EBI3: variants seen among roughly 807,000 people sequenced by gnomAD.
EBI3 encodes the protein interleukin-27 subunit beta.
Under a neutral mutation model 21.3 loss-of-function variants are expected in EBI3, and 19 were observed. The ratio of observed to expected loss-of-function variants is 0.89; its 90% CI spans 0.62 to 1.31. The LOEUF is 1.31. Ranked by LOEUF, EBI3 falls within the 50% of genes most tolerant of loss-of-function variation. The pLI is 0.00. For missense variants in EBI3, 331 were observed against 314.0 expected (o/e 1.05, Z -0.41); for synonymous variants, 154 against 131.2 (o/e 1.17, Z -1.19).
chr19:4,235,531 G>A (rs1290555997), intron 4 of EBI3, among the ~76,000 whole-genome samples: 2 of 152,184 alleles, frequency 1.3e-5, no homozygotes, highest in African/African-American at 4.8e-5. Context: ...TGCCCAGGCT[G>A]GTCTCAAACT....
Position 4,231,343 on chromosome 19 carries a change from G to A in EBI3, c.200+20G>A. On this transcript the variant is annotated intron_variant, in intron 2 of 4. Transcript: ENST00000221847. ...GTACAGGTCGGAGAGCCTGGAAGGG[G>A]GCCTCAGGGACACTGGACTTCCTGG... 1 of 1,591,184 alleles carries A rather than the reference G, an allele frequency of 6.3e-7. No individual in the cohort carries two copies.
intron 2 of EBI3, among the ~76,000 whole-genome samples, chr19:4,232,036 C>T (rs906764836): frequency 2.6e-5 from 4 of 151,328 alleles, no homozygotes; most frequent in South Asian, 2.1e-4. Context: ...ACCACCCTGG[C>T]GAACACGGTG....
At chr19:4,236,826 T>C in intron 4 of EBI3, 110 bp from the exon 5 acceptor site, 2 of 1,285,458 alleles carry the variant, frequency 1.6e-6, no homozygotes, top group South Asian at 2.0e-5. Context: ...AGTCCTGGAC[T>C]GGAGCCTGCA....
In EBI3 at chr19:4,236,970, G is replaced by C. The variant is rs776345290; in HGVS notation, c.572G>C (p.Arg191Thr). Residue 191 changes from arginine (R) to threonine (T), a missense_variant, in exon 5 of 5, where the codon AGG becomes ACG. By Grantham distance (71) the Arg-to-Thr change is moderately conservative. Coordinates refer to ENST00000221847, the MANE Select transcript of EBI3 (RefSeq NM_005755.3). ...GPIEATSFIL[R>T]AVRPRARYYV... ...ATTGAAGCCACGTCCTTCATCCTCA[G>C]GGCTGTGCGGCCCCGAGCCAGGTAC... The C allele has an allele frequency of 6.5e-7, 1 of 1,544,294 alleles. No homozygotes were observed. Among genetic ancestry groups the C allele is most frequent in the Non-Finnish European group, 8.8e-7 (1 of 1,141,214 alleles).
intron 2 of EBI3, among the ~76,000 whole-genome samples, chr19:4,232,222 C>CAAAAAAAAA (rs71166979): frequency 2.0e-3 from 116 of 57,746 alleles, no homozygotes; most frequent in Non-Finnish European, 2.6e-3. Context: ...GACCCCGTCT[C>CAAAAAAAAA]AAAAAAAAAA....
Position 4,233,177 on chromosome 19 carries a change from G to T in EBI3, c.249G>T (p.Thr83=). The stretch of plus-strand genomic sequence containing the variant: ...ACAGCTGGCCCTGCCTGCAGCAGAC[G>T]CCAACGTCCACCAGCTGCACCATCA... ...RGHSWPCLQQ[T]PTSTSCTITD... The change falls in exon 3 of 5, where the codon ACG becomes ACT. Residue 83 remains threonine, a synonymous_variant. Transcript: ENST00000221847. The T allele has an allele frequency of 4.4e-6, 7 of 1,608,894 alleles. No homozygotes were observed. Among genetic ancestry groups the T allele is most frequent in the Non-Finnish European group, 5.9e-6 (7 of 1,179,650 alleles).
chr19:4,232,250 AGAAAAG>A (rs1568355349), intron 2 of EBI3, among the ~76,000 whole-genome samples: 3 of 117,732 alleles, frequency 2.5e-5, no homozygotes, highest in African/African-American at 1.2e-4. Flanking sequence ...AAAAAAGAAA[AGAAAAG>A]AAAAGAAAAG....
chr19:4,236,182 C>T (rs1345237857), intron 4 of EBI3, among the ~76,000 whole-genome samples: 1 of 152,108 alleles, frequency 6.6e-6, no homozygotes, highest in East Asian at 1.9e-4. Flanking sequence ...GGTGAAATCA[C>T]AGCTCTACTA....
At chr19:4,232,990 A>C (rs9807829) in intron 2 of EBI3, 139 bp from the exon 3 acceptor site, 66,853 of 1,014,606 alleles carry the variant, frequency 0.066, 4,206 homozygotes, top group South Asian at 0.28. Flanking sequence ...GGCCACCACC[A>C]GGACCCCACC....
Position 4,231,339 on chromosome 19 carries a change from A to G in EBI3, c.200+16A>G. The G allele has an allele frequency of 6.3e-7, 1 of 1,591,750 alleles. No individual in the cohort carries two copies. Among genetic ancestry groups the G allele is most frequent in the Non-Finnish European group, 8.5e-7 (1 of 1,171,816 alleles). ...CCACGTACAGGTCGGAGAGCCTGGAAGGGGGCCTCAGGGACACTGGACTTC... is the reference window on the plus strand; with the variant it reads ...CCACGTACAGGTCGGAGAGCCTGGAGGGGGGCCTCAGGGACACTGGACTTC... On this transcript the variant is annotated intron_variant, in intron 2 of 4. Coordinates refer to ENST00000221847, the MANE Select transcript of EBI3 (RefSeq NM_005755.3).
In EBI3 at chr19:4,234,689, C is replaced by G. The variant is rs200195709; in HGVS notation, c.402C>G (p.Gly134=). 1.2e-6 allele frequency: 2 copies of G among 1,613,866 alleles called. No homozygotes were observed. Among genetic ancestry groups the G allele is most frequent in the Non-Finnish European group, 1.7e-6 (2 of 1,179,968 alleles). Residue 134 remains glycine, a synonymous_variant, in exon 4 of 5, where the codon GGC becomes GGG. Transcript: ENST00000221847. Reference sequence around the variant, plus strand: ...CAGTCAAGCCCGACCCTCCAGAAGGCGTGCGCCTAAGCCCCCTCGCTGAGC... The same window carrying G: ...CAGTCAAGCCCGACCCTCCAGAAGGGGTGCGCCTAAGCCCCCTCGCTGAGC... ...EHIIKPDPPE[G]VRLSPLAERQ...
At chr19:4,236,839 G>A (rs1970842718) in intron 4 of EBI3, 97 bp from the exon 5 acceptor site, 1 of 1,336,220 alleles carries the variant, frequency 7.5e-7, no homozygotes, top group South Asian at 1.8e-5. Context: ...AGCCTGCAGG[G>A]GGCAGGGAGG....
chr19:4,236,179 T>C (rs917554682), intron 4 of EBI3, among the ~76,000 whole-genome samples: 1 of 151,838 alleles, frequency 6.6e-6, no homozygotes, highest in Non-Finnish European at 1.5e-5. Flanking sequence ...CATGGTGAAA[T>C]CACAGCTCTA....
intron 4 of EBI3, among the ~76,000 whole-genome samples, chr19:4,236,005 T>TAG (rs1202304651): frequency 6.6e-6 from 1 of 152,080 alleles, no homozygotes; most frequent in Non-Finnish European, 1.5e-5. Flanking sequence ...CCCAGCACTT[T>TAG]AGGAGGCCAA....
chr19:4,236,792 GTGGGGCCGCACAGC>G, intron 4 of EBI3, 130 bp from the exon 5 acceptor site: 1 of 947,306 alleles, frequency 1.1e-6, no homozygotes, highest in Non-Finnish European at 1.4e-6. Flanking sequence ...GCTATTTGGG[GTGGGGCCGCACAGC>G]TGGGGCCAGA....
chr19:4,234,445 C>T (rs1196966651), intron 3 of EBI3, among the ~76,000 whole-genome samples: 1 of 152,050 alleles, frequency 6.6e-6, no homozygotes, highest in African/African-American at 2.4e-5. Context: ...CATGGTGGCT[C>T]ACAACTACTC....
In EBI3 at chr19:4,231,265, T is replaced by C. The variant is rs368770358; in HGVS notation, c.142T>C (p.Trp48Arg). 5.3e-5 allele frequency: 85 copies of C among 1,613,278 alleles called. No individual in the cohort carries two copies. In the African/African-American group the frequency reaches 1.0e-3, roughly 19 times the overall value. The change falls in exon 2 of 5, where the codon TGG becomes CGG. Residue 48 changes from tryptophan (W) to arginine (R), a missense_variant. Transcript: ENST00000221847. The stretch of plus-strand genomic sequence containing the variant: ...GTACCCGATCGCCGTGGATTGCTCC[T>C]GGACCCTGCCGCCTGCTCCAAACTC... ...SRYPIAVDCSWTLPPAPNSTS... is the reference protein window; with the variant it reads ...SRYPIAVDCSRTLPPAPNSTS...
At position 4,237,373 on chromosome 19, in the gene EBI3, A is replaced by T; in HGVS notation, c.*285A>T. 1 of 239,144 alleles carries T rather than the reference A, an allele frequency of 4.2e-6. No individual in the cohort carries two copies. The highest frequency in any genetic ancestry group is 7.9e-6 in the Non-Finnish European group (1 of 126,392). The allele number at this position is 239,144 out of a possible 1,614,324, so 14.8% of individuals were successfully genotyped here. A position where few individuals can be genotyped will look rare whatever the true frequency, so the allele number is the denominator to read the frequency against. ...ATATTTTTTATTGTTTAATTAGAAA[A>T]GAATTGTTGTTGGGCTGGGCGCAGT... On this transcript the variant is annotated 3_prime_UTR_variant, in exon 5 of 5. Transcript: ENST00000221847.
chr19:4,230,994 C>A (rs1036573482), intron 1 of EBI3, among the ~76,000 whole-genome samples, 197 bp from the exon 2 acceptor site: 3 of 152,134 alleles, frequency 2.0e-5, no homozygotes, highest in African/African-American at 7.2e-5. Flanking sequence ...GGCTAGTAGT[C>A]CTCACCTAGA....
Sources: allele counts gnomAD v4.1 joint callset (sites outside exome capture counted in the v4.1 genomes callset), GRCh38; gene constraint gnomAD v4.1.1; transcripts MANE v1.5; gene names NCBI Gene and HGNC (gene_info 2026-07-23, HGNC 2026-07-21).